The following GABRB3 variants were observed in gnomAD, a reference collection of about 807,000 sequenced individuals.
GABRB3 encodes gamma-aminobutyric acid type A receptor subunit beta3, also known as gamma-aminobutyric acid receptor subunit beta-3.
GABRB3 carries 14 observed loss-of-function variants against 52.1 expected under a neutral mutation model. That is an observed-to-expected ratio of 0.27 (90% CI 0.18 to 0.42). The LOEUF (loss-of-function observed/expected upper bound fraction) is 0.42, where lower values mean the gene tolerates loss of function less well. GABRB3 is among the 10% of genes least tolerant of loss of function. The pLI is 1.00. For synonymous variants in GABRB3, 260 were observed against 232.3 expected (o/e 1.12, Z -1.08); for missense variants, 307 against 609.1 (o/e 0.50, Z 5.22).
intron 3 of GABRB3, among the ~76,000 whole-genome samples, chr15:26,622,312 C>T (rs1486748006): frequency 3.9e-5 from 6 of 151,970 alleles, no homozygotes; most frequent in Non-Finnish European, 8.8e-5. Flanking sequence ...TTATCGAGAA[C>T]AAAGTGGGAA....
At chr15:26,554,021 T>TATATATATATATATATATATATATA (rs1555400757) in intron 8 of GABRB3, among the ~76,000 whole-genome samples, 1 of 23,682 alleles carries the variant, frequency 4.2e-5, no homozygotes, top group African/African-American at 1.8e-4. Flanking sequence ...ACCTGACTAT[T>TATATATATATATATATATATATATA]TATATATATA....
At chr15:26,648,211 G>A (rs1420550653) in intron 3 of GABRB3, among the ~76,000 whole-genome samples, 2 of 152,108 alleles carry the variant, frequency 1.3e-5, no homozygotes, top group Non-Finnish European at 2.9e-5. Context: ...ACTGCTCTGG[G>A]GACCTCATAT....
intron 7 of GABRB3, among the ~76,000 whole-genome samples, chr15:26,566,901 T>C (rs72700071): frequency 0.018 from 2,696 of 152,332 alleles, 33 homozygotes; most frequent in Middle Eastern, 0.041. Flanking sequence ...AAGGGATGGA[T>C]TGCAGATTGC....
At chr15:26,675,603 T>A (rs1316895169) in intron 3 of GABRB3, among the ~76,000 whole-genome samples, 1 of 152,148 alleles carries the variant, frequency 6.6e-6, no homozygotes, top group African/African-American at 2.4e-5. Flanking sequence ...CTGCAGTGGA[T>A]CCTGCAGCTG....
rs1567097351 is a variant in GABRB3, at chr15:26,554,160, A to ATAT, written c.1081-6027_1081-6026insATA. ...ATATATAAAGTATATATATATATAA[A>ATAT]GTATATATATATAAAGTATATATAT... On this transcript the variant is annotated intron_variant, in intron 8 of 8. Coordinates refer to ENST00000311550, the MANE Select transcript of GABRB3 (RefSeq NM_000814.6). Among the ~76,000 whole-genome samples, 116 of 20,806 alleles carry ATAT rather than the reference A, an allele frequency of 5.6e-3. 4 individuals are homozygous for ATAT. Among genetic ancestry groups the ATAT allele is most frequent in the African/African-American group, 0.019 (111 of 5,750 alleles). The allele number at this position is 20,806 out of a possible 152,430, so 13.6% of individuals were successfully genotyped here. A position where few individuals can be genotyped will look rare whatever the true frequency, so the allele number is the denominator to read the frequency against.
At chr15:26,599,263 G>A (rs1311686853) in intron 4 of GABRB3, among the ~76,000 whole-genome samples, 1 of 152,160 alleles carries the variant, frequency 6.6e-6, no homozygotes, top group Admixed American at 6.5e-5. Flanking sequence ...TTCCAGAGAT[G>A]GAAAGGGGCT....
chr15:26,738,077 T>C (rs982901151), intron 3 of GABRB3, among the ~76,000 whole-genome samples: 1 of 152,106 alleles, frequency 6.6e-6, no homozygotes, highest in African/African-American at 2.4e-5. Context: ...TTGTTGTCGT[T>C]GTTCTTCTTC....
intron 3 of GABRB3, among the ~76,000 whole-genome samples, chr15:26,707,869 A>G (rs1315785276): frequency 6.6e-6 from 1 of 152,226 alleles, no homozygotes; most frequent in Non-Finnish European, 1.5e-5. Flanking sequence ...AATGATACAT[A>G]GGTGAGGATC....
intron 3 of GABRB3, among the ~76,000 whole-genome samples, chr15:26,725,166 G>A (rs974211718): frequency 1.3e-5 from 2 of 152,140 alleles, no homozygotes; most frequent in Non-Finnish European, 2.9e-5. Flanking sequence ...TTAGGAAAAG[G>A]TGCCTTATTC....
intron 3 of GABRB3, among the ~76,000 whole-genome samples, chr15:26,673,706 G>A (rs1887969972): frequency 6.6e-6 from 1 of 152,200 alleles, no homozygotes. Flanking sequence ...CAGGCAGGAA[G>A]GAGAAGCCAG....
At chr15:26,608,606 C>CA (rs35878817) in intron 4 of GABRB3, among the ~76,000 whole-genome samples, 47,991 of 151,218 alleles carry the variant, frequency 0.32, 9,253 homozygotes, top group Middle Eastern at 0.47. Context: ...AGCAAGAAAA[C>CA]AAAAAAAAGC....
At chr15:26,688,983 C>G (rs1031434476) in intron 3 of GABRB3, among the ~76,000 whole-genome samples, 4 of 152,252 alleles carry the variant, frequency 2.6e-5, no homozygotes, top group African/African-American at 9.6e-5. Context: ...CTGGAATTGC[C>G]TCTCTTTTAA....
rs28477625 is a variant in GABRB3 at position 26,580,546 on chromosome 15, C to T, written c.545-90G>A. The T allele has an allele frequency of 0.013, 19,308 of 1,540,126 alleles. 1,869 individuals are homozygous for T. In the African/African-American group the frequency reaches 0.22, roughly 18 times the overall value. Reference sequence around the variant, plus strand: ...ACTATCATTAACATGGAGGTTGCGGCTCTGCTATGTTTTGAGTAGATTTGC... The same window carrying T: ...ACTATCATTAACATGGAGGTTGCGGTTCTGCTATGTTTTGAGTAGATTTGC... On this transcript the variant is annotated intron_variant, in intron 5 of 8. Coordinates refer to ENST00000311550, the MANE Select transcript of GABRB3 (RefSeq NM_000814.6).
At chr15:26,560,478 C>T (rs182131177) in intron 8 of GABRB3, among the ~76,000 whole-genome samples, 36 of 152,262 alleles carry the variant, frequency 2.4e-4, no homozygotes, top group South Asian at 4.1e-4. Context: ...CAATAGGCTG[C>T]CCATCCAGAT....
chr15:26,656,041 A>G (rs1030415696), intron 3 of GABRB3, among the ~76,000 whole-genome samples: 2 of 152,072 alleles, frequency 1.3e-5, no homozygotes, highest in Non-Finnish European at 1.5e-5. Context: ...TTTGCCTCTC[A>G]TCTCTTCGTT....
chr15:26,592,839 C>T (rs1157265825), intron 4 of GABRB3, among the ~76,000 whole-genome samples: 1 of 152,028 alleles, frequency 6.6e-6, no homozygotes, highest in Non-Finnish European at 1.5e-5. Flanking sequence ...ATGGTGAAAC[C>T]CCATCTCTAC....
chr15:26,773,246 C>G (rs956391417), upstream of GABRB3, among the ~76,000 whole-genome samples: 44 of 150,002 alleles, frequency 2.9e-4, no homozygotes, highest in East Asian at 1.2e-3. Flanking sequence ...CGCCTCGGCC[C>G]GAGGCCGGGG....
chr15:26,699,620 T>C (rs1370138808), intron 3 of GABRB3, among the ~76,000 whole-genome samples: 1 of 152,098 alleles, frequency 6.6e-6, no homozygotes, highest in Non-Finnish European at 1.5e-5. Flanking sequence ...AAGACTAAGA[T>C]TGAGCTTCTA....
At chr15:26,766,830 C>T (rs530378334) in intron 3 of GABRB3, among the ~76,000 whole-genome samples, 80 of 152,198 alleles carry the variant, frequency 5.3e-4, no homozygotes, top group African/African-American at 1.9e-3. Context: ...ATCCTAGAGC[C>T]CAGCACGGGC....
Sources: allele counts gnomAD v4.1 joint callset (sites outside exome capture counted in the v4.1 genomes callset), GRCh38; gene constraint gnomAD v4.1.1; transcripts MANE v1.5; gene names NCBI Gene and HGNC (gene_info 2026-07-23, HGNC 2026-07-21).